The following TNFSF10 variants were observed in gnomAD, a reference collection of about 807,000 sequenced individuals.
TNFSF10 encodes the protein TNF superfamily member 10.
In TNFSF10, 13 loss-of-function variants were observed where a neutral mutation model predicts 29.5. The observed-to-expected ratio is 0.44, with a 90% CI of 0.29 to 0.70. The LOEUF (loss-of-function observed/expected upper bound fraction) is 0.70. Among genes scored for constraint, TNFSF10 ranks in the 30% least tolerant of loss-of-function variants. The pLI, the probability that TNFSF10 is intolerant of heterozygous loss-of-function variation, is 0.13. For synonymous variants in TNFSF10, 111 were observed against 112.8 expected, an observed-to-expected ratio of 0.98 and a Z score of 0.10; for missense variants, 345 against 330.9, an observed-to-expected ratio of 1.04 and a Z score of -0.33.
chr3:172,522,882 C>T (rs1041295605), intron 1 of TNFSF10, among the ~76,000 whole-genome samples: 11 of 151,940 alleles, frequency 7.2e-5, no homozygotes, highest in African/African-American at 2.2e-4. Context: ...TGAATGTGCA[C>T]AAATAAAAGT....
intron 1 of TNFSF10, among the ~76,000 whole-genome samples, chr3:172,523,005 G>C (rs1713769658): frequency 6.6e-6 from 1 of 152,198 alleles, no homozygotes; most frequent in Non-Finnish European, 1.5e-5. Flanking sequence ...AAATCCCTCA[G>C]GAGTTTTGTT....
intron 1 of TNFSF10, chr3:172,518,499 C>T: frequency 1.6e-6 from 2 of 1,275,444 alleles, no homozygotes; most frequent in Non-Finnish European, 2.0e-6. Context: ...TTATGGAGAT[C>T]CGTGGAGAGG....
At chr3:172,510,413 C>T (rs759384929) in intron 3 of TNFSF10, among the ~76,000 whole-genome samples, 12 of 152,076 alleles carry the variant, frequency 7.9e-5, no homozygotes, top group Non-Finnish European at 1.2e-4. Flanking sequence ...CATGATCGTA[C>T]CACTGCACTC....
intron 3 of TNFSF10, among the ~76,000 whole-genome samples, chr3:172,510,999 T>A (rs1158545640): frequency 6.6e-6 from 1 of 152,100 alleles, no homozygotes; most frequent in East Asian, 1.9e-4. Flanking sequence ...AGGTGACAAT[T>A]ACGTGAGCTG....
chr3:172,508,482 C>T (rs1460090935), intron 4 of TNFSF10, among the ~76,000 whole-genome samples: 1 of 152,032 alleles, frequency 6.6e-6, no homozygotes, highest in Non-Finnish European at 1.5e-5. Context: ...ATGTAAATGC[C>T]ACTAGGAGCA....
intron 1 of TNFSF10, among the ~76,000 whole-genome samples, chr3:172,516,120 T>C (rs1173763046): frequency 6.6e-6 from 1 of 151,984 alleles, no homozygotes; most frequent in Non-Finnish European, 1.5e-5. Context: ...AAAAATTAGC[T>C]GGGCGTGGTG....
chr3:172,511,958 C>T (rs6792667), intron 2 of TNFSF10, among the ~76,000 whole-genome samples: 33 of 152,286 alleles, frequency 2.2e-4, no homozygotes, highest in African/African-American at 5.5e-4. Flanking sequence ...AGAAGCCATC[C>T]GCCATGTGAT....
chr3:172,507,161 C>T (rs1464226099), intron 4 of TNFSF10: 1 of 491,944 alleles, frequency 2.0e-6, no homozygotes, highest in Admixed American at 3.9e-5. Context: ...CTTTTTATAC[C>T]TTGTCAGCTG....
At position 172,520,526 on chromosome 3, in the gene TNFSF10, G is replaced by C. The variant is rs528243197; in HGVS notation, c.132+2727C>G. Among the ~76,000 whole-genome samples, 41 of 152,342 alleles carry C rather than the reference G, an allele frequency of 2.7e-4. 1 individual carries two copies. The South Asian group carries it at 8.5e-3, about 32-fold the overall frequency. On this transcript the variant is annotated intron_variant, in intron 1 of 4. Coordinates refer to ENST00000241261, the MANE Select transcript of TNFSF10 (RefSeq NM_003810.4). The stretch of plus-strand genomic sequence containing the variant: ...TAGCTACATCTGGAATACAAAACGG[G>C]AGTGTTCAGTGACTTAGGGCCTGGC...
chr3:172,506,509 C>T lies in TNFSF10; in HGVS notation c.829G>A (p.Ala277Thr). The T allele has an allele frequency of 6.2e-7, 1 of 1,604,222 alleles. No individual in the cohort carries two copies. Among genetic ancestry groups the T allele is most frequent in the Non-Finnish European group, 8.5e-7 (1 of 1,176,810 alleles). ...CAGGTCAGTTAGCCAACTAAAAAGGCCCCAAAAAAACTGGCTTCATGGTCC... is the reference window on the plus strand; with the variant it reads ...CAGGTCAGTTAGCCAACTAAAAAGGTCCCAAAAAAACTGGCTTCATGGTCC... ...DMDHEASFFG[A>T]FLVG Residue 277 changes from alanine to threonine, a missense_variant, in exon 5 of 5, where the codon GCC becomes ACC. Physicochemically the swap from Ala to Thr is moderately conservative, Grantham distance 58. Transcript: ENST00000241261.
chr3:172,514,711 TG>T (rs1438873993), intron 2 of TNFSF10, 149 bp downstream of exon 2: 11 of 1,095,900 alleles, frequency 1.0e-5, no homozygotes, highest in Non-Finnish European at 1.4e-5. Flanking sequence ...TCTATGAATT[TG>T]GGGAAAATTA....
chr3:172,518,522 T>C, intron 1 of TNFSF10: 5 of 1,214,724 alleles, frequency 4.1e-6, no homozygotes, highest in Non-Finnish European at 5.4e-6. Context: ...GCCCTTCTCC[T>C]TTTTCCTCCC....
At chr3:172,516,467 A>G (rs934047851) in intron 1 of TNFSF10, among the ~76,000 whole-genome samples, 1 of 152,218 alleles carries the variant, frequency 6.6e-6, no homozygotes, top group African/African-American at 2.4e-5. Flanking sequence ...AGCTAGAATC[A>G]CACAGTTCTG....
Position 172,515,990 on chromosome 3 carries a change from C to T in TNFSF10, c.133-992G>A, listed in dbSNP as rs144913040. On this transcript the variant is annotated intron_variant, in intron 1 of 4. Coordinates refer to ENST00000241261, the MANE Select transcript of TNFSF10 (RefSeq NM_003810.4). ...AAAAATCTGCTGAATTGGCCAGGCG[C>T]GGTGGCTCATGCCTATAATCCCAGC... Among the ~76,000 whole-genome samples, 137 of 152,066 alleles carry T rather than the reference C, an allele frequency of 9.0e-4. 1 individual carries two copies. Among genetic ancestry groups the T allele is most frequent in the African/African-American group, 3.1e-3 (130 of 41,500 alleles).
chr3:172,506,233 C>A lies in TNFSF10; in HGVS notation c.*259G>T, dbSNP rs1560143132. ...AAGCTGACAGTCTTCTAGATTTCTG[C>A]TAGCAAACTGATATGAGGTAGAGTC... On this transcript the variant is annotated 3_prime_UTR_variant, in exon 5 of 5. Coordinates refer to ENST00000241261, the MANE Select transcript of TNFSF10 (RefSeq NM_003810.4). 1 of 403,504 alleles carries A rather than the reference C, an allele frequency of 2.5e-6. No individual in the cohort carries two copies. The highest frequency in any genetic ancestry group is 4.4e-6 in the Non-Finnish European group (1 of 227,148). The allele number at this position is 403,504 out of a possible 1,614,324, so 25.0% of individuals were successfully genotyped here. A position where few individuals can be genotyped will look rare whatever the true frequency, so the allele number is the denominator to read the frequency against.
At position 172,506,717 on chromosome 3, in the gene TNFSF10, G is replaced by A. The variant is rs770672451; in HGVS notation, c.621C>T (p.Val207=). 3.1e-6 allele frequency: 5 copies of A among 1,614,110 alleles called. No individual in the cohort carries two copies. Among genetic ancestry groups the A allele is most frequent in the Non-Finnish European group, 4.2e-6 (5 of 1,180,008 alleles). The change falls in exon 5 of 5, where the codon GTC becomes GTT. Residue 207 remains valine (V), a synonymous_variant. Coordinates refer to ENST00000241261, the MANE Select transcript of TNFSF10 (RefSeq NM_003810.4). ...KENTKNDKQM[V]QYIYKYTSYP... ...AACTTGTGTATTTGTAAATATATTG[G>A]ACCATTTGTTTGTCGTTCTTTGTGT... is the stretch of plus-strand genomic sequence containing the variant.
rs1253012149 is a variant in TNFSF10 at position 172,506,172 on chromosome 3, A to C, written c.*320T>G. The C allele has an allele frequency of 3.9e-6, 1 of 256,750 alleles. No individual in the cohort carries two copies. Among genetic ancestry groups the C allele is most frequent in the Middle Eastern group, 1.3e-3 (1 of 776 alleles). The allele number at this position is 256,750 out of a possible 1,614,324, so 15.9% of individuals were successfully genotyped here. ...CAGTCTTTACAAGGAGTAGATTATA[A>C]AGACAGAAGATGTTAACCATTGCAT... On this transcript the variant is annotated 3_prime_UTR_variant, in exon 5 of 5. Transcript: ENST00000241261.
chr3:172,515,147 C>A, intron 1 of TNFSF10, 149 bp from the exon 2 acceptor site: 1 of 972,148 alleles, frequency 1.0e-6, no homozygotes, highest in Non-Finnish European at 1.5e-6. Flanking sequence ...AGTAAGCATG[C>A]TCTCCTTTGT....
intron 3 of TNFSF10, 193 bp downstream of exon 3, chr3:172,511,424 C>T (rs577855746): frequency 2.2e-6 from 1 of 454,916 alleles, no homozygotes; most frequent in African/African-American, 2.0e-5. Context: ...AGATGGGCCA[C>T]AGATTTGGTT....
Sources: gnomAD v4.1 joint callset for allele counts (sites outside exome capture counted in the v4.1 genomes callset) on GRCh38, gnomAD v4.1.1 for gene constraint, MANE v1.5 for transcripts, NCBI Gene and HGNC (gene_info 2026-07-23, HGNC 2026-07-21) for gene names.